Variants in BLOC1S5 observed in about 807,000 individuals in gnomAD.
BLOC1S5 encodes biogenesis of lysosomal organelles complex 1 subunit 5.
A neutral mutation model predicts 24.3 loss-of-function variants in BLOC1S5; 27 were observed. The observed-to-expected ratio is 1.11, with a 90% CI of 0.82 to 1.53. The LOEUF (loss-of-function observed/expected upper bound fraction) is 1.53. Among genes scored for constraint, BLOC1S5 ranks in the 40% most tolerant of loss-of-function variants. The probability of loss-of-function intolerance (pLI) is 0.00; values close to 1 mark genes in which losing one functional copy is unlikely to be tolerated. For missense variants in BLOC1S5, 239 were observed against 229.4 expected, an observed-to-expected ratio of 1.04 and a Z score of -0.27; for synonymous variants, 84 against 74.5, an observed-to-expected ratio of 1.13 and a Z score of -0.66.
At chr6:8,040,006 T>C (rs1300055862) in intron 3 of BLOC1S5, among the ~76,000 whole-genome samples, 1 of 152,188 alleles carries the variant, frequency 6.6e-6, no homozygotes, top group Non-Finnish European at 1.5e-5. Flanking sequence ...AAGTGGGAAC[T>C]AACAAAGTAG....
intron 2 of BLOC1S5, among the ~76,000 whole-genome samples, chr6:8,044,469 G>T (rs911179961): frequency 2.6e-5 from 4 of 152,094 alleles, no homozygotes; most frequent in Non-Finnish European, 5.9e-5. Context: ...GTGGGGCGTG[G>T]CTGAAAAGAT....
intron 3 of BLOC1S5, among the ~76,000 whole-genome samples, chr6:8,030,438 G>A (rs1193740683): frequency 1.3e-5 from 2 of 151,714 alleles, no homozygotes; most frequent in Admixed American, 1.3e-4. Flanking sequence ...GATTACAGGC[G>A]TGAGCCACCA....
At position 8,053,746 on chromosome 6, in the gene BLOC1S5, C is replaced by T. The variant is rs184157735; in HGVS notation, c.195+8788G>A. On this transcript the variant is annotated intron_variant, in intron 2 of 4. Coordinates refer to ENST00000397457, the MANE Select transcript of BLOC1S5 (RefSeq NM_201280.3). ...TTAAATTCCCTTTCTTAAACAGAAA[C>T]GTGATATAGACTTTTCTTATTTCAT... Among the ~76,000 whole-genome samples, 314 of 152,174 alleles carry T rather than the reference C, an allele frequency of 2.1e-3. 2 individuals are homozygous for T. The highest frequency in any genetic ancestry group is 1.7e-3 in the East Asian group (9 of 5,186).
chr6:8,024,992 T>A (rs1409065959), intron 4 of BLOC1S5, among the ~76,000 whole-genome samples: 1 of 152,212 alleles, frequency 6.6e-6, no homozygotes, highest in Non-Finnish European at 1.5e-5. Context: ...TACACAGGGC[T>A]AATACACCAC....
chr6:8,061,885 G>A (rs1764526748), intron 2 of BLOC1S5, among the ~76,000 whole-genome samples: 2 of 152,228 alleles, frequency 1.3e-5, no homozygotes, highest in African/African-American at 4.8e-5. Context: ...GTAGCAGGTG[G>A]TTATGCTAGA....
At chr6:8,043,962 C>A (rs1763783058) in intron 2 of BLOC1S5, among the ~76,000 whole-genome samples, 1 of 152,128 alleles carries the variant, frequency 6.6e-6, no homozygotes, top group Non-Finnish European at 1.5e-5. Context: ...GCTTCTTCCT[C>A]ATTTTCTCTT....
At chr6:8,017,288 G>A (rs1012633873) in intron 4 of BLOC1S5, among the ~76,000 whole-genome samples, 3 of 152,034 alleles carry the variant, frequency 2.0e-5, no homozygotes, top group African/African-American at 4.8e-5. Context: ...CTAGAAGTTC[G>A]AATTGCTTGA....
At chr6:8,051,878 T>A (rs1764115737) in intron 2 of BLOC1S5, among the ~76,000 whole-genome samples, 1 of 151,606 alleles carries the variant, frequency 6.6e-6, no homozygotes, top group Non-Finnish European at 1.5e-5. Context: ...TCTCAAAATA[T>A]CACTGCTCAA....
chr6:8,045,473 G>A (rs115530045), intron 2 of BLOC1S5, among the ~76,000 whole-genome samples: 4,825 of 152,150 alleles, frequency 0.032, 240 homozygotes, highest in African/African-American at 0.1. Flanking sequence ...CGGAGTTGTG[G>A]GAAGAGGACC....
chr6:8,015,798 T>A lies in BLOC1S5; in HGVS notation c.415A>T (p.Lys139Ter), dbSNP rs775487409. 3 of 1,613,582 alleles carry A rather than the reference T, an allele frequency of 1.9e-6. No homozygotes were observed. In the South Asian group the frequency reaches 3.3e-5, roughly 18 times the overall value. ...IHSDHLVASE[K>*]QHMLQWDNFM... ...TTGTCCCACTGGAGCATATGCTGTT[T>A]CTCACTAGCTACTAAGTGGTCACTA... Residue 139 changes from lysine to a stop codon, truncating the protein, a stop_gained, in exon 5 of 5, where the codon AAA (lysine) becomes TAA (stop). Coordinates refer to ENST00000397457, the MANE Select transcript of BLOC1S5 (RefSeq NM_201280.3). LOFTEE classifies it high-confidence loss of function.
intron 3 of BLOC1S5, 22 bp from the exon 4 acceptor site, chr6:8,026,447 T>G (rs1763108919): frequency 1.2e-6 from 2 of 1,602,290 alleles, no homozygotes; most frequent in Non-Finnish European, 8.5e-7. Flanking sequence ...AAGACATGGG[T>G]TTTCAGTCAG....
chr6:8,023,473 C>G (rs1400987563), intron 4 of BLOC1S5, among the ~76,000 whole-genome samples: 3 of 152,078 alleles, frequency 2.0e-5, no homozygotes, highest in African/African-American at 7.2e-5. Flanking sequence ...GCCTGTAATC[C>G]CAGCTACTTA....
rs529487627 is a variant in BLOC1S5, at chr6:8,016,218, C to T, written c.385-390G>A. ...GCACATGGCTGTAGTTCCAGCTACT[C>T]GGGAGGCTGAGGTGGAAGAATCGCC... On this transcript the variant is annotated intron_variant, in intron 4 of 4. Coordinates refer to ENST00000397457, the MANE Select transcript of BLOC1S5 (RefSeq NM_201280.3). Among the ~76,000 whole-genome samples, 8 of 151,900 alleles carry T rather than the reference C, an allele frequency of 5.3e-5. No homozygotes were observed. The South Asian group carries it at 1.7e-3, about 32-fold the overall frequency.
chr6:8,052,022 C>T (rs1456246932), intron 2 of BLOC1S5, among the ~76,000 whole-genome samples: 2 of 133,080 alleles, frequency 1.5e-5, no homozygotes, highest in Non-Finnish European at 3.0e-5. Flanking sequence ...GGCTGGAGTG[C>T]AGGGTGCGAT....
chr6:8,025,536 T>C (rs1206275851), intron 4 of BLOC1S5, among the ~76,000 whole-genome samples: 1 of 152,204 alleles, frequency 6.6e-6, no homozygotes, highest in Non-Finnish European at 1.5e-5. Context: ...TATCACATTG[T>C]TGAATTTTCA....
chr6:8,045,166 C>T (rs1275949148), intron 2 of BLOC1S5, among the ~76,000 whole-genome samples: 1 of 152,196 alleles, frequency 6.6e-6, no homozygotes, highest in Non-Finnish European at 1.5e-5. Flanking sequence ...CATGTCCCAG[C>T]CACTCCAGCA....
In BLOC1S5 at chr6:8,041,174, G is replaced by A; in HGVS notation, c.290C>T (p.Thr97Ile). 6.2e-7 allele frequency: 1 copy of A among 1,610,960 alleles called. No homozygotes were observed. Among genetic ancestry groups the A allele is most frequent in the South Asian group, 1.1e-5 (1 of 89,988 alleles). Residue 97 changes from threonine (T) to isoleucine (I), a missense_variant, in exon 3 of 5, where the codon ACA becomes ATA. Coordinates refer to ENST00000397457, the MANE Select transcript of BLOC1S5 (RefSeq NM_201280.3). ...NEHTLPKCRD[T>I]MRDSLSQVLQ... ...AACCTGGCTGAGGCTGTCCCGCATT[G>A]TGTCTCTACATTTGGGAAGAGTATG...
At chr6:8,022,381 C>T (rs74808927) in intron 4 of BLOC1S5, among the ~76,000 whole-genome samples, 5,902 of 151,550 alleles carry the variant, frequency 0.039, 360 homozygotes, top group African/African-American at 0.13. Flanking sequence ...CTCTGAAAAA[C>T]CCAACTAAGG....
chr6:8,044,101 G>A (rs528113452), intron 2 of BLOC1S5, among the ~76,000 whole-genome samples: 1 of 152,164 alleles, frequency 6.6e-6, no homozygotes, highest in Non-Finnish European at 1.5e-5. Flanking sequence ...GGCCAACACG[G>A]TGAAACCCCA....
Sources: allele counts gnomAD v4.1 joint callset (sites outside exome capture counted in the v4.1 genomes callset), GRCh38; gene constraint gnomAD v4.1.1; transcripts MANE v1.5; gene names NCBI Gene and HGNC (gene_info 2026-07-23, HGNC 2026-07-21).